The following CHST9 variants were observed in gnomAD, a reference collection of about 807,000 sequenced individuals.
CHST9 encodes GalNAc-4-sulfotransferase 2.
CHST9 carries 41 observed loss-of-function variants against 44.4 expected under a neutral mutation model. The ratio of observed to expected loss-of-function variants is 0.92; its 90% confidence interval spans 0.72 to 1.20. CHST9 has a LOEUF of 1.20. Among genes scored for constraint, CHST9 ranks in the 50% most tolerant of loss-of-function variants. The pLI, the probability that CHST9 is intolerant of heterozygous loss-of-function variation, is 0.00. For synonymous variants in CHST9, 171 were observed against 178.4 expected, an observed-to-expected ratio of 0.96 and a Z score of 0.33; for missense variants, 504 against 516.5, an observed-to-expected ratio of 0.98 and a Z score of 0.23.
At chr18:27,075,583 A>C (rs946117112) in intron 2 of CHST9, among the ~76,000 whole-genome samples, 3 of 152,204 alleles carry the variant, frequency 2.0e-5, no homozygotes, top group Middle Eastern at 3.2e-3. Flanking sequence ...ATTGGATCAT[A>C]ATAACACATA....
At position 26,981,294 on chromosome 18, in the gene CHST9, A is replaced by G. The variant is rs2056689217; in HGVS notation, c.203-36928T>C. The stretch of plus-strand genomic sequence containing the variant: ...GTCCTCCACACCTAAATACCAAGTT[A>G]TAAAAAAATCTTGCTCCTAACCCAT... On this transcript the variant is annotated intron_variant, in intron 4 of 5. Coordinates refer to ENST00000618847, the MANE Select transcript of CHST9 (RefSeq NM_031422.6). Among the ~76,000 whole-genome samples the G allele has an allele frequency of 2.0e-5, 3 of 152,212 alleles. No individual in the cohort carries two copies. The South Asian group carries it at 6.2e-4, about 32-fold the overall frequency.
chr18:26,967,009 C>T (rs936014251), intron 4 of CHST9, among the ~76,000 whole-genome samples: 1 of 151,722 alleles, frequency 6.6e-6, no homozygotes, highest in Non-Finnish European at 1.5e-5. Context: ...CTCAGGCAGA[C>T]ACTACAGATA....
At chr18:26,960,753 C>G (rs1157183356) in intron 4 of CHST9, among the ~76,000 whole-genome samples, 1 of 152,208 alleles carries the variant, frequency 6.6e-6, no homozygotes, top group Non-Finnish European at 1.5e-5. Flanking sequence ...TCACTCTAAA[C>G]TCTGACTCCT....
At chr18:27,101,111 A>G (rs1171351428) in intron 2 of CHST9, among the ~76,000 whole-genome samples, 2 of 152,196 alleles carry the variant, frequency 1.3e-5, no homozygotes, top group African/African-American at 2.4e-5. Flanking sequence ...TAATCTGTCA[A>G]TTTATTAACA....
At chr18:27,147,190 C>T (rs559224818) in intron 1 of CHST9, among the ~76,000 whole-genome samples, 29 of 152,104 alleles carry the variant, frequency 1.9e-4, no homozygotes, top group Admixed American at 1.2e-3. Flanking sequence ...TCAGGCTCCC[C>T]ATTAGCTGTG....
At chr18:27,069,403 C>T (rs987786246) in intron 2 of CHST9, among the ~76,000 whole-genome samples, 1 of 152,104 alleles carries the variant, frequency 6.6e-6, no homozygotes, top group African/African-American at 2.4e-5. Context: ...CAATTGCAAA[C>T]ATTTCTAAGA....
intron 1 of CHST9, among the ~76,000 whole-genome samples, chr18:27,178,874 C>A (rs16943366): frequency 6.6e-6 from 1 of 151,880 alleles, no homozygotes; most frequent in African/African-American, 2.4e-5. Flanking sequence ...CTTCATAGCA[C>A]GTAGTTTTGT....
At chr18:26,988,387 C>G (rs1314090397) in intron 4 of CHST9, among the ~76,000 whole-genome samples, 1 of 152,006 alleles carries the variant, frequency 6.6e-6, no homozygotes, top group Non-Finnish European at 1.5e-5. Context: ...CAAAAGAAAG[C>G]TAGAGTTTCT....
chr18:27,153,798 G>C (rs1162898261), intron 1 of CHST9, among the ~76,000 whole-genome samples: 1 of 152,108 alleles, frequency 6.6e-6, no homozygotes, highest in Non-Finnish European at 1.5e-5. Context: ...AGGTGACTCA[G>C]GGCTTCCCAG....
At chr18:27,142,656 C>A in intron 2 of CHST9, 33 bp downstream of exon 2, 1 of 1,482,874 alleles carries the variant, frequency 6.7e-7, no homozygotes, top group South Asian at 1.4e-5. Context: ...ATTATTGTTA[C>A]AATTAAAATA....
chr18:27,151,953 T>C (rs9951105), intron 1 of CHST9, among the ~76,000 whole-genome samples: 1,721 of 152,300 alleles, frequency 0.011, 28 homozygotes, highest in African/African-American at 0.036. Context: ...ATTTGCAAAG[T>C]ATCATTTTGA....
At chr18:27,135,044 GT>G (rs956116954) in intron 2 of CHST9, among the ~76,000 whole-genome samples, 7 of 152,072 alleles carry the variant, frequency 4.6e-5, no homozygotes, top group Non-Finnish European at 8.8e-5. Context: ...GATTTTAAGT[GT>G]TTTTTACCAC....
chr18:27,139,498 CACATAT>C (rs1398894110), intron 2 of CHST9, among the ~76,000 whole-genome samples: 1 of 107,740 alleles, frequency 9.3e-6, no homozygotes, highest in African/African-American at 3.5e-5. Context: ...CACACACACA[CACATAT>C]ATATATATAT....
At chr18:26,963,160 T>A (rs998659736) in intron 4 of CHST9, among the ~76,000 whole-genome samples, 14 of 152,148 alleles carry the variant, frequency 9.2e-5, no homozygotes, top group Non-Finnish European at 1.5e-4. Context: ...GGGTCATATG[T>A]GAACCCAAGT....
intron 2 of CHST9, among the ~76,000 whole-genome samples, chr18:27,087,594 A>C (rs1384050302): frequency 1.3e-5 from 2 of 152,226 alleles, no homozygotes; most frequent in South Asian, 2.1e-4. Context: ...AACAATTGAA[A>C]TACACAGAAC....
At chr18:27,017,863 TC>T (rs1261023986) in intron 4 of CHST9, among the ~76,000 whole-genome samples, 6 of 152,202 alleles carry the variant, frequency 3.9e-5, no homozygotes, top group Admixed American at 1.3e-4. Context: ...TTGGAATATT[TC>T]CCTACTTTCT....
chr18:27,013,955 G>A (rs2057116018), intron 4 of CHST9, among the ~76,000 whole-genome samples: 2 of 152,242 alleles, frequency 1.3e-5, no homozygotes, highest in Admixed American at 1.3e-4. Context: ...GGAAAAGTTG[G>A]TAAATAAAAT....
In CHST9 at chr18:27,032,128, T is replaced by C. The variant is rs189248621; in HGVS notation, c.161-7971A>G. 3.4e-3 allele frequency among the ~76,000 whole-genome samples: 514 copies of C among 152,288 alleles called. 3 individuals carry two copies. The highest frequency in any genetic ancestry group is 4.7e-3 in the Non-Finnish European group (318 of 68,012). ...ACACCACACGATCTATCAAAGCTTCTGTTGCTCTAAAAATCCTTTTGTGCC... is the reference window on the plus strand; with the variant it reads ...ACACCACACGATCTATCAAAGCTTCCGTTGCTCTAAAAATCCTTTTGTGCC... On this transcript the variant is annotated intron_variant, in intron 3 of 5. Transcript: ENST00000618847.
intron 4 of CHST9, among the ~76,000 whole-genome samples, chr18:26,966,880 T>TAAAAAAAAA (rs35286743): frequency 7.8e-6 from 1 of 128,624 alleles, no homozygotes; most frequent in Non-Finnish European, 1.6e-5. Context: ...TTACTTTCTT[T>TAAAAAAAAA]AAAAAAAAAA....
Sources: gnomAD v4.1 joint callset for allele counts (sites outside exome capture counted in the v4.1 genomes callset) on GRCh38, gnomAD v4.1.1 for gene constraint, MANE v1.5 for transcripts, NCBI Gene and HGNC (gene_info 2026-07-23, HGNC 2026-07-21) for gene names.